AKAP9: variants seen among roughly 807,000 people sequenced by gnomAD.
AKAP9 encodes the protein A-kinase anchor protein 9.
In AKAP9, 311 loss-of-function variants were observed where a neutral mutation model predicts 488.5. That is an observed-to-expected ratio of 0.64 (90% confidence interval 0.58 to 0.70). AKAP9 has a LOEUF of 0.70. Ranked by LOEUF, AKAP9 falls within the 30% of genes least tolerant of loss-of-function variation. AKAP9 has a pLI of 0.00. For synonymous variants in AKAP9, 1,462 were observed against 1,483.5 expected (o/e 0.99, Z 0.33); for missense variants, 4,215 against 4,374.5 (o/e 0.96, Z 1.03).
rs764675849 is a variant in AKAP9, at chr7:92,083,392, C to A, written c.8383C>A (p.Pro2795Thr). Residue 2795 changes from proline to threonine, a missense_variant, in exon 33 of 50, where the codon CCA (proline) becomes ACA (threonine). Transcript: ENST00000356239. ...TLKISSSNQT[P>T]QILVKNAGIQ... ...GAAGATCAGTAGCAGCAATCAGACT[C>A]CACAAATTCTTGTTAAAAATGCAGG... 4 of 1,613,854 alleles carry A rather than the reference C, an allele frequency of 2.5e-6. No homozygotes were observed.
Position 91,973,787 on chromosome 7 carries a change from C to G in AKAP9, c.125C>G (p.Thr42Arg). ...AAGAAGCAGAAAAAAAAGAGAAAAA[C>G]GTCAAGCAGTAAACATGATGTGTCA... ...PSKKQKKKRK[T>R]SSSKHDVSAH... is the part of the protein sequence containing the mutation. Residue 42 changes from threonine (T) to arginine (R), a missense_variant, in exon 2 of 50, where the codon ACG becomes AGG. This residue lies in a region of AKAP9 where 2,361 missense variants were observed against 2,430.0 expected (regional missense o/e 0.97). Coordinates refer to ENST00000356239, the MANE Select transcript of AKAP9 (RefSeq NM_005751.5). 6.2e-7 allele frequency: 1 copy of G among 1,613,764 alleles called. No homozygotes were observed. Among genetic ancestry groups the G allele is most frequent in the Non-Finnish European group, 8.5e-7 (1 of 1,179,942 alleles).
At chr7:92,102,912 TTATACTC>T (rs1817823287) in intron 46 of AKAP9, 86 bp downstream of exon 46, 2 of 1,189,186 alleles carry the variant, frequency 1.7e-6, no homozygotes, top group Non-Finnish European at 2.5e-6. Context: ...TCTCTGCTGG[TTATACTC>T]TATATTTATA....
At chr7:92,026,352 C>A (rs1335319957) in intron 14 of AKAP9, among the ~76,000 whole-genome samples, 1 of 152,164 alleles carries the variant, frequency 6.6e-6, no homozygotes, top group African/African-American at 2.4e-5. Context: ...TCTTCTCTCT[C>A]TTTCCACGGT....
rs560934908 is a variant in AKAP9 at position 91,990,387 on chromosome 7, C to A, written c.352-1771C>A. 3.9e-5 allele frequency among the ~76,000 whole-genome samples: 6 copies of A among 151,994 alleles called. No homozygotes were observed. In the South Asian group the frequency reaches 1.3e-3, roughly 32 times the overall value. ...TGATCCTGATATTCTGTTAAGTGTT[C>A]CTGTTCTAACTTTGGAATATAGTGT... On this transcript the variant is annotated intron_variant, in intron 3 of 49. Transcript: ENST00000356239.
At chr7:91,976,630 T>C (rs1795735641) in intron 2 of AKAP9, among the ~76,000 whole-genome samples, 1 of 152,206 alleles carries the variant, frequency 6.6e-6, no homozygotes, top group South Asian at 2.1e-4. Context: ...ACATTTTACA[T>C]TATATAAATT....
rs944604335 is a variant in AKAP9, at chr7:92,101,953, C to T, written c.11098-641C>T. On this transcript the variant is annotated intron_variant, in intron 45 of 49. Coordinates refer to ENST00000356239, the MANE Select transcript of AKAP9 (RefSeq NM_005751.5). Reference sequence around the variant, plus strand: ...GGGTGGATCACTGAGGTCAGGAGTTCGAGATCAGCCTGGCCAACATGGTGA... The same window carrying T: ...GGGTGGATCACTGAGGTCAGGAGTTTGAGATCAGCCTGGCCAACATGGTGA... Among the ~76,000 whole-genome samples, 40 of 151,828 alleles carry T rather than the reference C, an allele frequency of 2.6e-4. 1 individual carries two copies. Among genetic ancestry groups the T allele is most frequent in the Non-Finnish European group, 7.4e-5 (5 of 67,954 alleles).
chr7:92,022,734 T>A (rs1214473982), intron 13 of AKAP9, 80 bp from the exon 14 acceptor site: 1 of 943,154 alleles, frequency 1.1e-6, no homozygotes, highest in Non-Finnish European at 1.6e-6. Context: ...GAATTAATAT[T>A]TTCTGTACAC....
In AKAP9 at chr7:92,101,128, TTAAA is replaced by T. The variant is rs1239313942; in HGVS notation, c.11097+77_11097+80del. 5 of 1,464,702 alleles carry T rather than the reference TTAAA, an allele frequency of 3.4e-6. No individual in the cohort carries two copies. The African/African-American group carries it at 5.7e-5, about 17-fold the overall frequency. 90.7% of individuals were successfully genotyped at this position (1,464,702 alleles called of 1,614,324 possible). ...TGCCTTCTTTCATCTCTCACTGACCTTAAATAAACAGTCTAAAGAAATTTAGGGC... is the reference window on the plus strand; with the variant it reads ...TGCCTTCTTTCATCTCTCACTGACCTTAAACAGTCTAAAGAAATTTAGGGC... On this transcript the variant is annotated intron_variant, in intron 45 of 49. Transcript: ENST00000356239.
chr7:91,963,029 T>A (rs910628010), intron 1 of AKAP9, among the ~76,000 whole-genome samples: 16 of 152,226 alleles, frequency 1.1e-4, no homozygotes, highest in African/African-American at 3.9e-4. Context: ...GTTTCTGAAA[T>A]TGAGCATAAA....
chr7:92,069,533 A>T (rs1322232047), intron 26 of AKAP9, among the ~76,000 whole-genome samples: 2 of 152,218 alleles, frequency 1.3e-5, no homozygotes, highest in African/African-American at 4.8e-5. Context: ...TTAGAAAAAA[A>T]TTTTTGAAAT....
intron 33 of AKAP9, among the ~76,000 whole-genome samples, chr7:92,084,195 A>G (rs1051513681): frequency 3.3e-5 from 5 of 152,136 alleles, no homozygotes; most frequent in African/African-American, 9.7e-5. Flanking sequence ...CATGGTGTAT[A>G]TGTGCCACAT....
intron 28 of AKAP9, among the ~76,000 whole-genome samples, chr7:92,071,252 C>G (rs572826443): frequency 2.6e-5 from 4 of 151,964 alleles, no homozygotes; most frequent in Non-Finnish European, 5.9e-5. Context: ...GGACGAAGTT[C>G]GGAGGAACAG....
intron 23 of AKAP9, among the ~76,000 whole-genome samples, chr7:92,061,806 T>G (rs1809900915): frequency 1.3e-5 from 2 of 151,842 alleles, no homozygotes; most frequent in Non-Finnish European, 2.9e-5. Context: ...TACATAGTGA[T>G]TCCAGGCTTT....
chr7:91,957,052 C>A (rs938055924), intron 1 of AKAP9, among the ~76,000 whole-genome samples: 3 of 151,932 alleles, frequency 2.0e-5, no homozygotes, highest in Non-Finnish European at 4.4e-5. Flanking sequence ...TTTTGTAACG[C>A]GAATAACTAC....
chr7:91,978,912 A>T (rs1421573789), intron 2 of AKAP9, among the ~76,000 whole-genome samples: 1 of 142,472 alleles, frequency 7.0e-6, no homozygotes, highest in Non-Finnish European at 1.5e-5. Flanking sequence ...ATGCACCACT[A>T]CCGCCTGGCT....
chr7:92,097,932 T>G, intron 42 of AKAP9, 138 bp downstream of exon 42: 2 of 948,610 alleles, frequency 2.1e-6, no homozygotes, highest in South Asian at 2.8e-5. Flanking sequence ...GTGATATTCT[T>G]TAACAGAACT....
chr7:92,091,793 C>A (rs756840276), intron 38 of AKAP9, among the ~76,000 whole-genome samples: 1 of 152,018 alleles, frequency 6.6e-6, no homozygotes, highest in Non-Finnish European at 1.5e-5. Context: ...CCATTGAAAG[C>A]TTAATGTCAC....
intron 1 of AKAP9, among the ~76,000 whole-genome samples, chr7:91,969,563 A>G (rs1468302285): frequency 6.6e-6 from 1 of 152,182 alleles, no homozygotes; most frequent in Non-Finnish European, 1.5e-5. Flanking sequence ...ATCTATTAAT[A>G]CTTGCTTTTT....
intron 1 of AKAP9, among the ~76,000 whole-genome samples, chr7:91,947,549 C>T (rs547720705): frequency 6.6e-6 from 1 of 152,124 alleles, no homozygotes; most frequent in Non-Finnish European, 1.5e-5. Flanking sequence ...ACCATATTGG[C>T]CAGGCTGGTC....
Sources: gnomAD v4.1 joint callset for allele counts (sites outside exome capture counted in the v4.1 genomes callset) on GRCh38, gnomAD v4.1.1 for gene constraint, gnomAD v4.1.1 regional missense constraint, MANE v1.5 for transcripts, NCBI Gene and HGNC (gene_info 2026-07-23, HGNC 2026-07-21) for gene names.